The following PAX5 variants were observed in gnomAD, a reference collection of about 807,000 sequenced individuals.
PAX5 encodes paired box protein Pax-5.
In PAX5, 9 loss-of-function variants were observed where a neutral mutation model predicts 43.7. That is an observed-to-expected ratio of 0.21 (90% CI 0.12 to 0.36). PAX5 has a LOEUF of 0.36. Ranked by LOEUF, PAX5 falls within the 10% of genes least tolerant of loss-of-function variation. The probability of loss-of-function intolerance (pLI) is 1.00; values close to 1 mark genes in which losing one functional copy is unlikely to be tolerated. For synonymous variants in PAX5, 228 were observed against 214.3 expected, an observed-to-expected ratio of 1.06 and a Z score of -0.56; for missense variants, 383 against 532.7, an observed-to-expected ratio of 0.72 and a Z score of 2.77.
At chr9:36,868,774 C>G (rs4880022) in intron 8 of PAX5, among the ~76,000 whole-genome samples, 1 of 151,986 alleles carries the variant, frequency 6.6e-6, no homozygotes, top group Non-Finnish European at 1.5e-5. Context: ...AGCCCAGCTG[C>G]TCCCTGACTG....
At chr9:36,956,979 C>T (rs908932833) in intron 6 of PAX5, among the ~76,000 whole-genome samples, 2 of 151,672 alleles carry the variant, frequency 1.3e-5, no homozygotes, top group Non-Finnish European at 2.9e-5. Flanking sequence ...TTTCTACCTC[C>T]TCTCCTCCTG....
chr9:37,002,806 C>G (rs763785410), intron 4 of PAX5, 30 bp from the exon 5 acceptor site: 3 of 1,594,120 alleles, frequency 1.9e-6, no homozygotes, highest in South Asian at 1.1e-5. Flanking sequence ...CGGTCAGGGC[C>G]GCAGAGGGCT....
chr9:36,895,531 T>C (rs78810815), intron 7 of PAX5, among the ~76,000 whole-genome samples: 1,563 of 152,278 alleles, frequency 0.01, 25 homozygotes, highest in African/African-American at 0.034. Flanking sequence ...TTCTCATTTA[T>C]AAAATGGGGA....
chr9:36,970,191 A>G (rs1834818408), intron 5 of PAX5, among the ~76,000 whole-genome samples: 1 of 152,152 alleles, frequency 6.6e-6, no homozygotes, highest in Admixed American at 6.5e-5. Context: ...CCATGTGACC[A>G]TGTGTAATGG....
At chr9:36,931,717 C>A (rs971977041) in intron 6 of PAX5, among the ~76,000 whole-genome samples, 5 of 151,972 alleles carry the variant, frequency 3.3e-5, no homozygotes, top group Non-Finnish European at 5.9e-5. Flanking sequence ...GCCGTGGTGG[C>A]ATGTGACTGC....
At chr9:36,875,436 C>A (rs1026653202) in intron 8 of PAX5, among the ~76,000 whole-genome samples, 1 of 152,176 alleles carries the variant, frequency 6.6e-6, no homozygotes, top group Non-Finnish European at 1.5e-5. Flanking sequence ...AAACCACACA[C>A]TAAATGACTT....
chr9:36,979,992 T>C (rs1325664705), intron 5 of PAX5, among the ~76,000 whole-genome samples: 1 of 152,164 alleles, frequency 6.6e-6, no homozygotes, highest in Non-Finnish European at 1.5e-5. Context: ...AGGTCAAGAC[T>C]TTTTCCACTT....
chr9:36,899,081 C>G (rs1057118983), intron 7 of PAX5, among the ~76,000 whole-genome samples: 1 of 152,200 alleles, frequency 6.6e-6, no homozygotes, highest in African/African-American at 2.4e-5. Flanking sequence ...GGTATAGGTT[C>G]CAGCACCCCC....
At chr9:36,935,144 G>A (rs1294392752) in intron 6 of PAX5, among the ~76,000 whole-genome samples, 2 of 152,230 alleles carry the variant, frequency 1.3e-5, no homozygotes, top group Non-Finnish European at 2.9e-5. Context: ...CCCTTTGGGA[G>A]GCCGAGGCGG....
intron 8 of PAX5, among the ~76,000 whole-genome samples, chr9:36,855,800 C>T (rs1298510246): frequency 6.6e-6 from 1 of 152,236 alleles, no homozygotes; most frequent in South Asian, 2.1e-4. Flanking sequence ...TCCACGGGGC[C>T]GTTTCCATCT....
chr9:36,871,204 C>G (rs1825453468), intron 8 of PAX5, among the ~76,000 whole-genome samples: 3 of 152,250 alleles, frequency 2.0e-5, no homozygotes, highest in African/African-American at 7.2e-5. Flanking sequence ...CTGAGGATGG[C>G]TTCTGCTGCC....
At chr9:37,002,897 T>C in intron 4 of PAX5, 121 bp from the exon 5 acceptor site, 1 of 1,245,814 alleles carries the variant, frequency 8.0e-7, no homozygotes, top group South Asian at 1.5e-5. Flanking sequence ...CAGGGGGCGC[T>C]GAGGACCCTC....
intron 6 of PAX5, among the ~76,000 whole-genome samples, chr9:36,948,213 G>A (rs908395636): frequency 6.6e-6 from 1 of 152,202 alleles, no homozygotes; most frequent in African/African-American, 2.4e-5. Flanking sequence ...AGGGACTCCA[G>A]AGCTCTGGCT....
intron 1 of PAX5, chr9:37,026,727 C>T (rs919923599): frequency 1.0e-6 from 1 of 985,444 alleles, no homozygotes; most frequent in African/African-American, 1.7e-5. Context: ...CTCTCAGAGC[C>T]TCCCTGCTGG....
At chr9:36,985,088 T>A (rs763384192) in intron 5 of PAX5, among the ~76,000 whole-genome samples, 1 of 152,222 alleles carries the variant, frequency 6.6e-6, no homozygotes, top group Non-Finnish European at 1.5e-5. Context: ...GATTCCCAGC[T>A]TAGACCCATT....
chr9:36,843,235 C>T (rs12341554), intron 9 of PAX5, among the ~76,000 whole-genome samples: 6,490 of 152,236 alleles, frequency 0.043, 478 homozygotes, highest in African/African-American at 0.15. Context: ...CATGCCCTGG[C>T]GCCCTCCCCA....
At chr9:37,029,888 A>G (rs1480244795) in intron 1 of PAX5, among the ~76,000 whole-genome samples, 1 of 152,118 alleles carries the variant, frequency 6.6e-6, no homozygotes, top group Non-Finnish European at 1.5e-5. Flanking sequence ...GTCACACAGC[A>G]AGTCTGGGGT....
At chr9:37,024,693 G>T (rs1564089519) in intron 1 of PAX5, among the ~76,000 whole-genome samples, 1 of 152,208 alleles carries the variant, frequency 6.6e-6, no homozygotes, top group Non-Finnish European at 1.5e-5. Context: ...CACTTCCCAC[G>T]GAGGGGGCGA....
intron 8 of PAX5, among the ~76,000 whole-genome samples, chr9:36,881,574 C>T (rs548758047): frequency 6.6e-6 from 1 of 152,020 alleles, no homozygotes; most frequent in South Asian, 2.1e-4. Flanking sequence ...ACATTATCCT[C>T]AACCCCAAGG....
Sources: allele counts gnomAD v4.1 joint callset (sites outside exome capture counted in the v4.1 genomes callset), GRCh38; gene constraint gnomAD v4.1.1; transcripts MANE v1.5; gene names NCBI Gene and HGNC (gene_info 2026-07-23, HGNC 2026-07-21).